The following PDIA6 variants were observed in gnomAD, a reference collection of about 807,000 sequenced individuals.
PDIA6 encodes the protein protein disulfide isomerase family A member 6.
In PDIA6, 29 loss-of-function variants were observed where a neutral mutation model predicts 58.4. The observed-to-expected ratio is 0.50, with a 90% CI of 0.37 to 0.68. The LOEUF is 0.68. Among genes scored for constraint, PDIA6 ranks in the 30% least tolerant of loss-of-function variants. The pLI is 0.00. For synonymous variants in PDIA6, 192 were observed against 202.6 expected, an observed-to-expected ratio of 0.95 and a Z score of 0.44; for missense variants, 480 against 551.0, an observed-to-expected ratio of 0.87 and a Z score of 1.29.
upstream of PDIA6, among the ~76,000 whole-genome samples, chr2:10,813,736 A>G (rs931980260): frequency 6.6e-6 from 1 of 152,112 alleles, no homozygotes; most frequent in Non-Finnish European, 1.5e-5. Context: ...CCCGGGTTCA[A>G]GCGATTCTCT....
chr2:10,806,628 C>CGAA lies in PDIA6; in HGVS notation c.20-3989_20-3988insTTC, dbSNP rs1553339930. Reference sequence around the variant, plus strand: ...AACCACATCTCCTAAAAAATAAAGACAGAAAGAAAGAAAGAAAGAAAAACG... The same window carrying CGAA: ...AACCACATCTCCTAAAAAATAAAGACGAAAGAAAGAAAGAAAGAAAGAAAAACG... On this transcript the variant is annotated intron_variant, in intron 1 of 12. Coordinates refer to ENST00000272227, the MANE Select transcript of PDIA6 (RefSeq NM_005742.4). Among the ~76,000 whole-genome samples, 76 of 70,280 alleles carry CGAA rather than the reference C, an allele frequency of 1.1e-3. 4 individuals carry two copies. The highest frequency in any genetic ancestry group is 1.8e-3 in the African/African-American group (50 of 28,502). The allele number at this position is 70,280 out of a possible 152,430, so 46.1% of individuals were successfully genotyped here.
chr2:10,788,943 C>T lies in PDIA6; in HGVS notation c.879G>A (p.Glu293=). Residue 293 remains glutamate (E), a synonymous_variant, in exon 9 of 13, where the codon GAG becomes GAA. Coordinates refer to ENST00000272227, the MANE Select transcript of PDIA6 (RefSeq NM_005742.4). The part of the protein sequence containing the change: ...NEDIAKRTCE[E]HQLCVVAVLP... ...GCACAGCCACAACACAGAGCTGGTG[C>T]TCCTCACACGTCCTCTTGGCAATGT... 6.2e-7 allele frequency: 1 copy of T among 1,614,142 alleles called. No individual in the cohort carries two copies. The highest frequency in any genetic ancestry group is 1.1e-5 in the South Asian group (1 of 91,086).
chr2:10,806,632 A>AGACAGACAGACAGACAGACAGACAGAC (rs1345997507), intron 1 of PDIA6, among the ~76,000 whole-genome samples: 2 of 121,252 alleles, frequency 1.6e-5, no homozygotes, highest in Admixed American at 8.3e-5. Context: ...TAAAGACAGA[A>AGACAGACAGACAGACAGACAGACAGAC]AGAAAGAAAG....
upstream of PDIA6, among the ~76,000 whole-genome samples, chr2:10,836,311 A>G (rs1667831438): frequency 4.6e-5 from 7 of 152,282 alleles, no homozygotes; most frequent in South Asian, 1.5e-3. Flanking sequence ...TCAGGCCTGG[A>G]GCATCCTTGT....
upstream of PDIA6, among the ~76,000 whole-genome samples, chr2:10,813,419 T>TG (rs1251973392): frequency 1.3e-5 from 2 of 152,086 alleles, no homozygotes; most frequent in Non-Finnish European, 2.9e-5. Flanking sequence ...CACTTTGTCC[T>TG]GGGGGGCGAG....
intron 1 of PDIA6, chr2:10,821,506 T>A (rs1255768862): frequency 6.6e-6 from 1 of 152,278 alleles, no homozygotes; most frequent in Non-Finnish European, 1.5e-5. Context: ...TCTGAATTGA[T>A]GCTGAGCAAA....
rs565180851 is a variant in PDIA6, at chr2:10,788,065, C to CAAAA, written c.998+628_999-627dup. Among the ~76,000 whole-genome samples, 52 of 102,176 alleles carry CAAAA rather than the reference C, an allele frequency of 5.1e-4. 3 individuals carry two copies. The highest frequency in any genetic ancestry group is 1.1e-3 in the South Asian group (3 of 2,728). The allele number at this position is 102,176 out of a possible 152,430, so 67.0% of individuals were successfully genotyped here. On this transcript the variant is annotated intron_variant, in intron 10 of 12. Transcript: ENST00000272227. ...TGGGCAAGAGAGTGAGACTCTGTCT[C>CAAAA]AAAAAAAAAAAAAAAGGATAAAATA...
chr2:10,809,674 C>CAAAAAAAAAA (rs1666922863), intron 1 of PDIA6, among the ~76,000 whole-genome samples: 1 of 75,494 alleles, frequency 1.3e-5, no homozygotes, highest in African/African-American at 4.1e-5. Flanking sequence ...AAAAAAAAAC[C>CAAAAAAAAAA]CAAAAAATAG....
At chr2:10,819,447 C>A in intron 1 of PDIA6, 1 of 742,360 alleles carries the variant, frequency 1.3e-6, no homozygotes, top group South Asian at 1.7e-5. Flanking sequence ...GTATTTACAT[C>A]TGTGAACCTG....
At chr2:10,818,338 A>AT (rs142810233) in intron 2 of PDIA6, among the ~76,000 whole-genome samples, 19,031 of 147,060 alleles carry the variant, frequency 0.13, 1,454 homozygotes, top group Non-Finnish European at 0.18. Flanking sequence ...TAATTTCTGT[A>AT]TTTTTTTTTT....
At chr2:10,832,525 C>G (rs1667738038), upstream of PDIA6, 1 of 738,358 alleles carries the variant, frequency 1.4e-6, no homozygotes, top group Non-Finnish European at 1.7e-6. Flanking sequence ...GCGCTCTGCC[C>G]TTGCTCTGCG....
intron 1 of PDIA6, among the ~76,000 whole-genome samples, chr2:10,805,540 C>T (rs1338985417): frequency 2.3e-5 from 2 of 85,738 alleles, no homozygotes; most frequent in African/African-American, 6.6e-5. Context: ...TACCATTTGA[C>T]CCAACCATCC....
At chr2:10,824,668 C>T (rs1031189524) in intron 1 of PDIA6, among the ~76,000 whole-genome samples, 24 of 152,170 alleles carry the variant, frequency 1.6e-4, no homozygotes, top group African/African-American at 2.9e-4. Context: ...GGAAAACCCA[C>T]GTGGGGATGA....
At chr2:10,837,069 C>T (rs1353412603), upstream of PDIA6, among the ~76,000 whole-genome samples, 1 of 152,232 alleles carries the variant, frequency 6.6e-6, no homozygotes, top group African/African-American at 2.4e-5. Context: ...AACCCCAAAT[C>T]TGCCTGGGCT....
chr2:10,822,009 G>A (rs921897115), intron 1 of PDIA6, among the ~76,000 whole-genome samples: 4 of 151,566 alleles, frequency 2.6e-5, no homozygotes, highest in African/African-American at 7.3e-5. Context: ...GTATGATCAC[G>A]GCTTACTACA....
intron 4 of PDIA6, among the ~76,000 whole-genome samples, chr2:10,794,448 GA>G (rs35863261): frequency 5.5e-4 from 33 of 60,242 alleles, no homozygotes; most frequent in Middle Eastern, 0.014. Context: ...TCTGTGTCAA[GA>G]AAAAAAAAAA....
intron 1 of PDIA6, among the ~76,000 whole-genome samples, chr2:10,828,760 T>C (rs914639623): frequency 6.6e-6 from 1 of 152,232 alleles, no homozygotes; most frequent in African/African-American, 2.4e-5. Flanking sequence ...TGTGCTACAC[T>C]GGAAACCCCT....
At chr2:10,825,441 T>G (rs919771988) in intron 1 of PDIA6, among the ~76,000 whole-genome samples, 1 of 152,150 alleles carries the variant, frequency 6.6e-6, no homozygotes, top group African/African-American at 2.4e-5. Flanking sequence ...TCTCCCCTAC[T>G]TAAAACTTTC....
chr2:10,784,503 G>C lies in PDIA6; in HGVS notation c.1255-177C>G, dbSNP rs950474723. On this transcript the variant is annotated intron_variant, in intron 12 of 12. Coordinates refer to ENST00000272227, the MANE Select transcript of PDIA6 (RefSeq NM_005742.4). ...ATGATTATACGGATGGAAAAGCTCA[G>C]AACTCAGGTGAAACATTTCAACATC... 5.4e-6 allele frequency: 3 copies of C among 553,026 alleles called. No individual in the cohort carries two copies. The African/African-American group carries it at 5.7e-5, about 10-fold the overall frequency. The allele number at this position is 553,026 out of a possible 1,614,324, so 34.3% of individuals were successfully genotyped here.
Sources: allele counts gnomAD v4.1 joint callset (sites outside exome capture counted in the v4.1 genomes callset), GRCh38; gene constraint gnomAD v4.1.1; transcripts MANE v1.5; gene names NCBI Gene and HGNC (gene_info 2026-07-23, HGNC 2026-07-21).